Variants in ATG5 observed in about 807,000 individuals in gnomAD.
ATG5 encodes the protein autophagy protein 5.
A neutral mutation model predicts 36.5 loss-of-function variants in ATG5; 14 were observed. The ratio of observed to expected loss-of-function variants is 0.38; its 90% CI spans 0.25 to 0.60. ATG5 has a LOEUF of 0.60. Ranked by LOEUF, ATG5 falls within the 20% of genes least tolerant of loss-of-function variation. The pLI is 0.60. For missense variants in ATG5, 195 were observed against 326.7 expected (o/e 0.60, Z 3.11); for synonymous variants, 95 against 101.5 (o/e 0.94, Z 0.38).
At chr6:106,220,756 G>A (rs1356907015) in intron 6 of ATG5, among the ~76,000 whole-genome samples, 1 of 151,988 alleles carries the variant, frequency 6.6e-6, no homozygotes, top group Non-Finnish European at 1.5e-5. Flanking sequence ...AATCACTTAT[G>A]AGAAGAACAG....
chr6:106,278,986 T>C (rs117102263), intron 5 of ATG5, among the ~76,000 whole-genome samples: 3 of 152,318 alleles, frequency 2.0e-5, no homozygotes, highest in Non-Finnish European at 4.4e-5. Flanking sequence ...ATTTGAACCA[T>C]ACAGTTGGGG....
intron 3 of ATG5, among the ~76,000 whole-genome samples, chr6:106,294,365 G>A (rs1780447099): frequency 6.6e-6 from 1 of 151,728 alleles, no homozygotes; most frequent in Non-Finnish European, 1.5e-5. Flanking sequence ...GATGCTTATG[G>A]GATAGCCCTG....
At chr6:106,206,085 C>A (rs1028680943) in intron 6 of ATG5, among the ~76,000 whole-genome samples, 1 of 152,154 alleles carries the variant, frequency 6.6e-6, no homozygotes, top group Admixed American at 6.5e-5. Context: ...CATCTGAATG[C>A]GTCCCTCCAA....
chr6:106,291,273 A>AC (rs1780297653), intron 4 of ATG5, among the ~76,000 whole-genome samples: 2 of 152,256 alleles, frequency 1.3e-5, no homozygotes, highest in Admixed American at 1.3e-4. Context: ...TTGTACTACT[A>AC]CATCCAGAAA....
At chr6:106,300,316 G>C (rs1005625385) in intron 3 of ATG5, among the ~76,000 whole-genome samples, 8 of 152,052 alleles carry the variant, frequency 5.3e-5, no homozygotes, top group African/African-American at 1.9e-4. Flanking sequence ...ACCTTAAAAA[G>C]ACTGGAAATA....
intron 5 of ATG5, among the ~76,000 whole-genome samples, chr6:106,257,513 T>C (rs1778846544): frequency 6.6e-6 from 1 of 152,198 alleles, no homozygotes. Flanking sequence ...ACCACTATCA[T>C]ACATGCAGTC....
chr6:106,199,454 A>G (rs1353015925), intron 7 of ATG5, among the ~76,000 whole-genome samples: 1 of 152,238 alleles, frequency 6.6e-6, no homozygotes, highest in Non-Finnish European at 1.5e-5. Flanking sequence ...GGAAAAAAAC[A>G]GTTGCACAAG....
intron 6 of ATG5, among the ~76,000 whole-genome samples, chr6:106,240,755 A>G (rs1438139738): frequency 6.6e-6 from 1 of 152,204 alleles, no homozygotes; most frequent in African/African-American, 2.4e-5. Context: ...TGCTTACTGT[A>G]GTACTGTTTA....
rs13191943 is a variant in ATG5, at chr6:106,247,196, T to C, written c.573+954A>G. On this transcript the variant is annotated intron_variant, in intron 6 of 7. Coordinates refer to ENST00000369076, the MANE Select transcript of ATG5 (RefSeq NM_004849.4). ...CTACAAAGAAAGTTATGACAAAACC[T>C]CTGAGTTTGAATGGAAGTCCTACTA... Among the ~76,000 whole-genome samples the C allele has an allele frequency of 8.2e-3, 1,247 of 152,246 alleles. 12 individuals carry two copies. The highest frequency in any genetic ancestry group is 0.01 in the Non-Finnish European group (698 of 68,000).
chr6:106,251,955 C>T (rs963143834), intron 5 of ATG5, among the ~76,000 whole-genome samples: 1 of 151,968 alleles, frequency 6.6e-6, no homozygotes, highest in Non-Finnish European at 1.5e-5. Flanking sequence ...GTTCTCCCAC[C>T]TCAGCCTCCC....
chr6:106,286,295 C>T (rs1006523603), intron 4 of ATG5, among the ~76,000 whole-genome samples: 2 of 150,862 alleles, frequency 1.3e-5, no homozygotes, highest in African/African-American at 2.4e-5. Context: ...GTCAGGCAAC[C>T]GTTCCAAAGC....
intron 5 of ATG5, among the ~76,000 whole-genome samples, chr6:106,266,538 GAC>G (rs1455617805): frequency 6.6e-6 from 1 of 152,066 alleles, no homozygotes; most frequent in Non-Finnish European, 1.5e-5. Flanking sequence ...ACCTGGCAGA[GAC>G]ACAACAAAAA....
intron 6 of ATG5, among the ~76,000 whole-genome samples, chr6:106,207,031 T>C (rs1176388857): frequency 6.6e-6 from 1 of 152,234 alleles, no homozygotes; most frequent in Non-Finnish European, 1.5e-5. Context: ...TACCTGATCT[T>C]GCCACATATT....
At chr6:106,221,489 C>A (rs1197426476) in intron 6 of ATG5, among the ~76,000 whole-genome samples, 1 of 151,874 alleles carries the variant, frequency 6.6e-6, no homozygotes, top group Non-Finnish European at 1.5e-5. Flanking sequence ...AATTCGAGAC[C>A]AACCTGGGCA....
intron 6 of ATG5, among the ~76,000 whole-genome samples, chr6:106,204,984 G>T (rs530071760): frequency 6.6e-6 from 1 of 152,192 alleles, no homozygotes. Context: ...GAGAAGAAAA[G>T]AAATGAATAG....
intron 6 of ATG5, among the ~76,000 whole-genome samples, chr6:106,218,198 C>T (rs1009560635): frequency 6.6e-6 from 1 of 151,964 alleles, no homozygotes; most frequent in African/African-American, 2.4e-5. Context: ...ATTTTAAATC[C>T]CTCTTCAGAA....
chr6:106,268,155 A>G (rs965094104), intron 5 of ATG5, among the ~76,000 whole-genome samples: 1 of 152,182 alleles, frequency 6.6e-6, no homozygotes, highest in African/African-American at 2.4e-5. Context: ...TCTAATATCT[A>G]GAATCTACAA....
At chr6:106,201,305 G>C (rs1280838891) in intron 7 of ATG5, among the ~76,000 whole-genome samples, 1 of 146,980 alleles carries the variant, frequency 6.8e-6, no homozygotes, top group African/African-American at 2.6e-5. Flanking sequence ...GTGTGTGTGT[G>C]TCTCAACAGT....
rs761593347 is a variant in ATG5, at chr6:106,202,101, A to C, written c.574-12T>G. 1.2e-6 allele frequency: 2 copies of C among 1,603,970 alleles called. No individual in the cohort carries two copies. The highest frequency in any genetic ancestry group is 1.7e-6 in the Non-Finnish European group (2 of 1,171,904). ...CTTTCAGTCGTTGTCTATTTGAAAA[A>C]GGAAAAAATGATTCAAGCAATTAAG... On this transcript the variant is annotated splice_polypyrimidine_tract_variant and intron_variant, in intron 6 of 7. Transcript: ENST00000369076.
Sources: allele counts gnomAD v4.1 joint callset (sites outside exome capture counted in the v4.1 genomes callset), GRCh38; gene constraint gnomAD v4.1.1; transcripts MANE v1.5; gene names NCBI Gene and HGNC (gene_info 2026-07-23, HGNC 2026-07-21).